Variants in STXBP5 observed in about 807,000 individuals in gnomAD.
STXBP5 encodes the protein syntaxin-binding protein 5.
In STXBP5, 50 loss-of-function variants were observed where a neutral mutation model predicts 152.4. That is an observed-to-expected ratio of 0.33 (90% CI 0.26 to 0.42). The LOEUF is 0.42. Ranked by LOEUF, STXBP5 falls within the 10% of genes least tolerant of loss-of-function variation. The probability of loss-of-function intolerance (pLI) is 1.00; values close to 1 mark genes in which losing one functional copy is unlikely to be tolerated. For synonymous variants in STXBP5, 492 were observed against 494.7 expected, an observed-to-expected ratio of 0.99 and a Z score of 0.07; for missense variants, 1,167 against 1,388.6, an observed-to-expected ratio of 0.84 and a Z score of 2.54.
rs778849477 is a variant in STXBP5 at position 147,379,517 on chromosome 6, C to G, written c.3194-3261C>G. Among the ~76,000 whole-genome samples the G allele has an allele frequency of 8.5e-5, 13 of 152,194 alleles. No individual in the cohort carries two copies. The South Asian group carries it at 2.7e-3, about 32-fold the overall frequency. On this transcript the variant is annotated intron_variant, in intron 26 of 27. Transcript: ENST00000321680. ...AAACTGATGTCTGTATGTATATATA[C>G]ACATATACACTTAATATAGTTCTAA...
At chr6:147,323,351 T>C (rs761123325) in intron 16 of STXBP5, among the ~76,000 whole-genome samples, 2 of 152,110 alleles carry the variant, frequency 1.3e-5, no homozygotes, top group African/African-American at 2.4e-5. Context: ...CAAATTAATC[T>C]TCCCCAGATA....
At chr6:147,354,017 T>A (rs1784708753) in intron 22 of STXBP5, among the ~76,000 whole-genome samples, 1 of 152,120 alleles carries the variant, frequency 6.6e-6, no homozygotes, top group Non-Finnish European at 1.5e-5. Flanking sequence ...ATATAAAACA[T>A]GGTATCTTTT....
chr6:147,348,689 A>G (rs1784449760), intron 21 of STXBP5, among the ~76,000 whole-genome samples: 1 of 152,178 alleles, frequency 6.6e-6, no homozygotes, highest in East Asian at 1.9e-4. Flanking sequence ...TTCCTCCTAT[A>G]AAACTCTATC....
chr6:147,204,716 T>C lies in STXBP5; in HGVS notation c.150+34T>C, dbSNP rs1776448033. The stretch of plus-strand genomic sequence containing the variant: ...AGCGCGCAGCCCCGCGACACCGTCA[T>C]TGAAAAATTGGGGTTGTTTTAAGGG... On this transcript the variant is annotated intron_variant, in intron 1 of 27. Coordinates refer to ENST00000321680, the MANE Select transcript of STXBP5 (RefSeq NM_001127715.4). This position sits in a 1 kb window ranked among gnomAD's most constrained non-coding sequence, Gnocchi z 4.3. The C allele has an allele frequency of 2.0e-6, 3 of 1,521,446 alleles. No homozygotes were observed. The highest frequency in any genetic ancestry group is 2.7e-6 in the Non-Finnish European group (3 of 1,131,936). 94.2% of individuals were successfully genotyped at this position (1,521,446 alleles called of 1,614,324 possible).
intron 3 of STXBP5, 141 bp from the exon 4 acceptor site, chr6:147,239,029 A>T (rs1255913393): frequency 6.1e-6 from 4 of 659,832 alleles, no homozygotes; most frequent in Non-Finnish European, 9.9e-6. Flanking sequence ...TTGAATTTGA[A>T]TGAGGCAAAT....
chr6:147,354,273 G>A (rs575522609), intron 22 of STXBP5, among the ~76,000 whole-genome samples: 1 of 152,220 alleles, frequency 6.6e-6, no homozygotes, highest in South Asian at 2.1e-4. Flanking sequence ...TCTTACTTCA[G>A]TTATGCTGAT....
intron 2 of STXBP5, among the ~76,000 whole-genome samples, chr6:147,211,493 T>C (rs192643229): frequency 1.3e-5 from 2 of 152,274 alleles, no homozygotes; most frequent in Admixed American, 6.5e-5. Context: ...AATTTTATTA[T>C]ATAAAACATA....
chr6:147,387,608 T>C lies in STXBP5; in HGVS notation c.*2853T>C, dbSNP rs1056874476. 2.0e-5 allele frequency: 3 copies of C among 151,826 alleles called. No individual in the cohort carries two copies. Among genetic ancestry groups the C allele is most frequent in the African/African-American group, 7.2e-5 (3 of 41,418 alleles). 9.4% of individuals were successfully genotyped at this position (151,826 alleles called of 1,614,324 possible). ...AAGTTTTGCATCATCTTAACACTTT[T>C]GCTTTGCATTTCAATTGTACAAAGT... On this transcript the variant is annotated 3_prime_UTR_variant, in exon 28 of 28. Transcript: ENST00000321680.
chr6:147,342,145 G>T (rs1248693419), intron 21 of STXBP5, among the ~76,000 whole-genome samples: 1 of 152,090 alleles, frequency 6.6e-6, no homozygotes, highest in Non-Finnish European at 1.5e-5. Context: ...TTTGGTTATG[G>T]CCCTGTTCTA....
intron 9 of STXBP5, among the ~76,000 whole-genome samples, chr6:147,302,848 A>C (rs1375493067): frequency 6.6e-6 from 1 of 152,230 alleles, no homozygotes; most frequent in Non-Finnish European, 1.5e-5. Flanking sequence ...TGAGATACAG[A>C]TATCAATTAT....
intron 25 of STXBP5, among the ~76,000 whole-genome samples, chr6:147,370,560 T>C (rs937627477): frequency 6.6e-6 from 1 of 151,998 alleles, no homozygotes; most frequent in Non-Finnish European, 1.5e-5. Context: ...ACAGAGATAA[T>C]TTATAATAAA....
At position 147,373,851 on chromosome 6, in the gene STXBP5, A is replaced by G; in HGVS notation, c.3193+9A>G. The G allele has an allele frequency of 6.3e-7, 1 of 1,594,028 alleles. No individual in the cohort carries two copies. Among genetic ancestry groups the G allele is most frequent in the East Asian group, 2.2e-5 (1 of 44,688 alleles). ...TGACAGAGAAGAACTATGTAAGTTG[A>G]TTTATTTAATTCGGATAATATATCT... On this transcript the variant is annotated intron_variant, in intron 26 of 27. Coordinates refer to ENST00000321680, the MANE Select transcript of STXBP5 (RefSeq NM_001127715.4).
intron 2 of STXBP5, among the ~76,000 whole-genome samples, chr6:147,211,946 C>T (rs780430862): frequency 2.6e-5 from 4 of 152,176 alleles, no homozygotes; most frequent in Non-Finnish European, 4.4e-5. Flanking sequence ...GGAAGAGTTC[C>T]GGTCATTTGG....
At chr6:147,365,915 A>G (rs991627220) in intron 25 of STXBP5, among the ~76,000 whole-genome samples, 2 of 152,220 alleles carry the variant, frequency 1.3e-5, no homozygotes, top group African/African-American at 4.8e-5. Flanking sequence ...CCTTCCTGAA[A>G]CAACCTAAAA....
At chr6:147,331,814 A>AG (rs1388506973) in intron 18 of STXBP5, among the ~76,000 whole-genome samples, 1 of 151,332 alleles carries the variant, frequency 6.6e-6, no homozygotes, top group African/African-American at 2.4e-5. Flanking sequence ...TTAAAAAAAA[A>AG]AAAAAAAAAA....
Position 147,314,615 on chromosome 6 carries a change from A to G in STXBP5, c.1381A>G (p.Lys461Glu). ...TCTTAGGCATGCTGATGGGTCAGTT[A>G]AGTTCTGGGATGCTTCTGCAAGTAA... ...IITGHADGSV[K>E]FWDASAITLQ... The change falls in exon 14 of 28, where the codon AAG becomes GAG. Residue 461 changes from lysine (K) to glutamate (E), a missense_variant. By Grantham distance (56) the Lys-to-Glu change is moderately conservative (BLOSUM62 1). This residue lies in a region of STXBP5 where 833 missense variants were observed against 986.3 expected (regional missense o/e 0.84). Transcript: ENST00000321680. 1.2e-6 allele frequency: 2 copies of G among 1,608,654 alleles called. No individual in the cohort carries two copies. The highest frequency in any genetic ancestry group is 1.7e-6 in the Non-Finnish European group (2 of 1,177,932).
intron 25 of STXBP5, among the ~76,000 whole-genome samples, chr6:147,372,457 T>TTTTTTTTTTTTTTTTTTC: frequency 9.2e-6 from 1 of 108,648 alleles, no homozygotes. Flanking sequence ...TTTTTTTTTT[T>TTTTTTTTTTTTTTTTTTC]TGAGACAGAT....
At chr6:147,207,502 TA>T (rs981022319) in intron 2 of STXBP5, among the ~76,000 whole-genome samples, 3 of 152,176 alleles carry the variant, frequency 2.0e-5, no homozygotes, top group Non-Finnish European at 2.9e-5. Flanking sequence ...CTTCAATTGT[TA>T]GATATTTTTA....
At chr6:147,334,876 G>A (rs1783751333) in intron 19 of STXBP5, among the ~76,000 whole-genome samples, 1 of 152,060 alleles carries the variant, frequency 6.6e-6, no homozygotes, top group Non-Finnish European at 1.5e-5. Context: ...CTAGTGAAGA[G>A]ATCATTCTTA....
Sources: gnomAD v4.1 joint callset for allele counts (sites outside exome capture counted in the v4.1 genomes callset) on GRCh38, gnomAD v4.1.1 for gene constraint, gnomAD v4.1.1 regional missense constraint, Gnocchi (gnomAD v3.1) non-coding constraint, MANE v1.5 for transcripts, NCBI Gene and HGNC (gene_info 2026-07-23, HGNC 2026-07-21) for gene names.